Variants in DERL1 observed in about 807,000 individuals in gnomAD.
DERL1 encodes derlin 1.
DERL1 carries 24 observed loss-of-function variants against 41.6 expected under a neutral mutation model. The ratio of observed to expected loss-of-function variants is 0.58; its 90% CI spans 0.42 to 0.81. The LOEUF (loss-of-function observed/expected upper bound fraction) is 0.81. DERL1 is among the 30% of genes least tolerant of loss of function. DERL1 has a pLI of 0.00. For synonymous variants in DERL1, 124 were observed against 112.5 expected (o/e 1.10, Z -0.65); for missense variants, 260 against 314.3 (o/e 0.83, Z 1.31).
chr8:123,033,474 T>C (rs1334061868), intron 1 of DERL1, among the ~76,000 whole-genome samples: 33 of 152,188 alleles, frequency 2.2e-4, no homozygotes, highest in Admixed American at 2.0e-3. Context: ...CCGGGAGTAG[T>C]GGCTCATGCC....
intron 5 of DERL1, 53 bp from the exon 6 acceptor site, chr8:123,021,552 C>T: frequency 6.6e-7 from 1 of 1,520,464 alleles, no homozygotes; most frequent in Non-Finnish European, 9.1e-7. Context: ...GACGAGGACA[C>T]AGCTACTACG....
At position 123,015,268 on chromosome 8, in the gene DERL1, C is replaced by T. The variant is rs11691; in HGVS notation, c.*179G>A. ...CAGCAGTAAGGACTTGAATGAGAAT[C>T]GTGAAACTTGTGGAACACTTATATT... On this transcript the variant is annotated 3_prime_UTR_variant, in exon 8 of 8. Transcript: ENST00000259512. 0.073 allele frequency: 62,775 copies of T among 857,872 alleles called. 2,674 individuals are homozygous for T. Among genetic ancestry groups the T allele is most frequent in the African/African-American group, 0.11 (6,655 of 58,824 alleles). 53.1% of individuals were successfully genotyped at this position (857,872 alleles called of 1,614,324 possible).
In DERL1 at chr8:123,015,398, A is replaced by G; in HGVS notation, c.*49T>C. 2 of 1,600,716 alleles carry G rather than the reference A, an allele frequency of 1.2e-6. No individual in the cohort carries two copies. Among genetic ancestry groups the G allele is most frequent in the Non-Finnish European group, 1.7e-6 (2 of 1,172,682 alleles). ...AACGCAGTTGTTAAGTGCACCCAGC[A>G]CTGGGAGGAAATGTGGCTTGAGAGG... On this transcript the variant is annotated 3_prime_UTR_variant, in exon 8 of 8. Coordinates refer to ENST00000259512, the MANE Select transcript of DERL1 (RefSeq NM_024295.6).
At chr8:123,037,883 G>C (rs1166631910) in intron 1 of DERL1, among the ~76,000 whole-genome samples, 2 of 152,178 alleles carry the variant, frequency 1.3e-5, no homozygotes, top group Non-Finnish European at 2.9e-5. Flanking sequence ...GCGGCCCTGG[G>C]AGACATAACC....
At chr8:123,029,100 G>A (rs948997386) in intron 2 of DERL1, among the ~76,000 whole-genome samples, 2 of 151,862 alleles carry the variant, frequency 1.3e-5, no homozygotes, top group African/African-American at 2.4e-5. Flanking sequence ...ACAAATTAAT[G>A]CTCAATTAAG....
At position 123,014,272 on chromosome 8, in the gene DERL1, T is replaced by G. The variant is rs1243000247; in HGVS notation, c.*1175A>C. On this transcript the variant is annotated 3_prime_UTR_variant, in exon 8 of 8. Coordinates refer to ENST00000259512, the MANE Select transcript of DERL1 (RefSeq NM_024295.6). ...GAGCTTGTACATTCATGACTCAAAA[T>G]AACACACCCTCAAACCCAAATGATT... The G allele has an allele frequency of 1.3e-5, 2 of 152,678 alleles. No homozygotes were observed. Among genetic ancestry groups the G allele is most frequent in the Non-Finnish European group, 2.9e-5 (2 of 68,058 alleles). The allele number at this position is 152,678 out of a possible 1,614,324, so 9.5% of individuals were successfully genotyped here. A position where few individuals can be genotyped will look rare whatever the true frequency, so the allele number is the denominator to read the frequency against.
At position 123,042,126 on chromosome 8, in the gene DERL1, C is replaced by G; in HGVS notation, c.-4G>C. 1.9e-6 allele frequency: 3 copies of G among 1,605,402 alleles called. No individual in the cohort carries two copies. Among genetic ancestry groups the G allele is most frequent in the Non-Finnish European group, 2.6e-6 (3 of 1,174,466 alleles). ...ACCAGTCTCCGATGTCCGACATCTT[C>G]GACCCACAGGTAGCCAAGATGCACA... On this transcript the variant is annotated 5_prime_UTR_variant, in exon 1 of 8. Coordinates refer to ENST00000259512, the MANE Select transcript of DERL1 (RefSeq NM_024295.6).
chr8:123,020,282 C>A (rs1429930273), intron 6 of DERL1, among the ~76,000 whole-genome samples: 1 of 151,888 alleles, frequency 6.6e-6, no homozygotes, highest in Non-Finnish European at 1.5e-5. Context: ...AAGTTTGAGA[C>A]CAGCCTGGGC....
chr8:123,020,796 CA>C (rs59816749), intron 6 of DERL1, among the ~76,000 whole-genome samples: 9,291 of 112,260 alleles, frequency 0.083, 520 homozygotes, highest in Middle Eastern at 0.12. Flanking sequence ...CTAAAAATCC[CA>C]AAAAAAAAAA....
Position 123,027,431 on chromosome 8 carries a change from G to C in DERL1, c.266-2381C>G, listed in dbSNP as rs893503290. On this transcript the variant is annotated intron_variant, in intron 2 of 7. Coordinates refer to ENST00000259512, the MANE Select transcript of DERL1 (RefSeq NM_024295.6). ...GGTGAAATATTATAAAAATGGGTGT[G>C]ATAATGACTGTACAACTCTGTCAAT... Among the ~76,000 whole-genome samples the C allele has an allele frequency of 2.0e-4, 30 of 151,892 alleles. 1 individual carries two copies. Among genetic ancestry groups the C allele is most frequent in the African/African-American group, 7.0e-4 (29 of 41,354 alleles).
intron 1 of DERL1, among the ~76,000 whole-genome samples, chr8:123,040,961 C>T (rs1813045982): frequency 6.6e-6 from 1 of 152,126 alleles, no homozygotes; most frequent in African/African-American, 2.4e-5. Flanking sequence ...AATAGGGAGA[C>T]AGATCTGGAC....
Position 123,022,670 on chromosome 8 carries a change from C to T in DERL1, c.453+14G>A, listed in dbSNP as rs2130465557. 4.3e-6 allele frequency: 7 copies of T among 1,612,002 alleles called. No individual in the cohort carries two copies. The South Asian group carries it at 7.7e-5, about 18-fold the overall frequency. ...ACAAATGAAAAGGACACTTTTCCAA[C>T]CAAGGCAAAGTACCTTAAATCGTGT... On this transcript the variant is annotated intron_variant, in intron 5 of 7. Coordinates refer to ENST00000259512, the MANE Select transcript of DERL1 (RefSeq NM_024295.6).
At chr8:123,027,651 C>T (rs1407272994) in intron 2 of DERL1, among the ~76,000 whole-genome samples, 1 of 152,110 alleles carries the variant, frequency 6.6e-6, no homozygotes, top group Admixed American at 6.5e-5. Flanking sequence ...CTAATAATCC[C>T]ACAAATTTGT....
intron 5 of DERL1, 134 bp downstream of exon 5, chr8:123,022,550 G>T: frequency 1.3e-6 from 1 of 752,692 alleles, no homozygotes; most frequent in Non-Finnish European, 2.2e-6. Flanking sequence ...ATTGAGGAGG[G>T]CAGAAAGGGG....
rs763585570 is a variant in DERL1 at position 123,030,618 on chromosome 8, C to T, written c.252G>A (p.Thr84=). 34 of 1,597,694 alleles carry T rather than the reference C, an allele frequency of 2.1e-5. No individual in the cohort carries two copies. In the Admixed American group the frequency reaches 3.5e-4, roughly 16 times the overall value. The change falls in exon 2 of 8, where the codon ACG becomes ACA. Residue 84 remains threonine, a synonymous_variant. Coordinates refer to ENST00000259512, the MANE Select transcript of DERL1 (RefSeq NM_024295.6). Reference sequence around the variant, plus strand: ...TGGGTAACATACCTGTTTCAAGTCGCGTAGAATACTGATATAAGAAATATA... The same window carrying T: ...TGGGTAACATACCTGTTTCAAGTCGTGTAGAATACTGATATAAGAAATATA... The part of the protein sequence containing the change: ...VNLYFLYQYS[T]RLETGAFDGR...
chr8:123,015,669 C>T, intron 7 of DERL1, 84 bp from the exon 8 acceptor site: 1 of 1,476,530 alleles, frequency 6.8e-7, no homozygotes. Context: ...AGAACACCTC[C>T]CTCTCCTGCT....
At chr8:123,032,396 A>T (rs1424663250) in intron 1 of DERL1, among the ~76,000 whole-genome samples, 5 of 152,108 alleles carry the variant, frequency 3.3e-5, no homozygotes, top group Admixed American at 3.3e-4. Context: ...TGGCCTCCCA[A>T]AGTGCTGGGA....
At chr8:123,036,260 T>G (rs577810707) in intron 1 of DERL1, among the ~76,000 whole-genome samples, 1 of 152,276 alleles carries the variant, frequency 6.6e-6, no homozygotes. Flanking sequence ...AATAGCTGAA[T>G]GAGTAAATAA....
Position 123,019,250 on chromosome 8 carries a change from A to G in DERL1, c.562T>C (p.Phe188Leu). ...LVGHLYFFLMFRYPMDLGGRN... is the reference protein window; with the variant it reads ...LVGHLYFFLMLRYPMDLGGRN... ...CCTCCCAAGTCCATTGGGTATCTGA[A>G]CATTAGGAAAAAATAAAGATGTCCA... Residue 188 changes from phenylalanine to leucine, a missense_variant, in exon 7 of 8, where the codon TTC becomes CTC. By Grantham distance (22) the Phe-to-Leu change is conservative. Transcript: ENST00000259512. 1.2e-6 allele frequency: 2 copies of G among 1,614,112 alleles called. No individual in the cohort carries two copies. The highest frequency in any genetic ancestry group is 1.7e-6 in the Non-Finnish European group (2 of 1,179,970).
Sources: allele counts gnomAD v4.1 joint callset (sites outside exome capture counted in the v4.1 genomes callset), GRCh38; gene constraint gnomAD v4.1.1; transcripts MANE v1.5; gene names NCBI Gene and HGNC (gene_info 2026-07-23, HGNC 2026-07-21).